DLGAP2: variants seen among roughly 807,000 people sequenced by gnomAD.
DLGAP2 encodes the protein disks large-associated protein 2.
DLGAP2 carries 26 observed loss-of-function variants against 100.3 expected under a neutral mutation model. The ratio of observed to expected loss-of-function variants is 0.26; its 90% CI spans 0.19 to 0.36. The LOEUF (loss-of-function observed/expected upper bound fraction) is 0.36, where lower values mean the gene tolerates loss of function less well. DLGAP2 is among the 10% of genes least tolerant of loss of function. DLGAP2 has a pLI of 1.00. For missense variants in DLGAP2, 1,858 were observed against 1,453.2 expected, an observed-to-expected ratio of 1.28 and a Z score of -4.53; for synonymous variants, 886 against 630.1, an observed-to-expected ratio of 1.41 and a Z score of -6.08.
intron 8 of DLGAP2, among the ~76,000 whole-genome samples, chr8:1,646,917 A>G (rs944603840): frequency 2.6e-5 from 4 of 152,178 alleles, no homozygotes; most frequent in African/African-American, 9.6e-5. Flanking sequence ...CACCACAGAG[A>G]AGTGATGGAA....
Position 1,330,077 on chromosome 8 carries a change from C to A in DLGAP2, c.106+71194C>A, listed in dbSNP as rs114982289. Among the ~76,000 whole-genome samples, 516 of 152,320 alleles carry A rather than the reference C, an allele frequency of 3.4e-3. 1 individual carries two copies. Among genetic ancestry groups the A allele is most frequent in the African/African-American group, 0.012 (494 of 41,584 alleles). On this transcript the variant is annotated intron_variant, in intron 3 of 14. Transcript: ENST00000637795. ...TCCCATGTTTGTGGTGGGTCACAGT[C>A]CCTCATGTGGGGTCGAGGTTTCTTT...
intron 2 of DLGAP2, among the ~76,000 whole-genome samples, chr8:1,179,192 A>T (rs1463246): frequency 6.6e-6 from 1 of 152,218 alleles, no homozygotes; most frequent in Admixed American, 6.5e-5. Context: ...AGTAAATGGC[A>T]AAGCCTGTTG....
At chr8:1,375,095 C>G (rs141422377) in intron 3 of DLGAP2, among the ~76,000 whole-genome samples, 1,644 of 147,758 alleles carry the variant, frequency 0.011, 64 homozygotes, top group African/African-American at 0.039. Context: ...GACCTCAGAA[C>G]TGAGCCCCCA....
At chr8:1,532,527 T>G (rs1801018308) in intron 4 of DLGAP2, among the ~76,000 whole-genome samples, 1 of 152,216 alleles carries the variant, frequency 6.6e-6, no homozygotes, top group Non-Finnish European at 1.5e-5. Context: ...GGAAACATTT[T>G]TATGGCTCTT....
intron 3 of DLGAP2, among the ~76,000 whole-genome samples, chr8:1,311,772 GA>G (rs1800619917): frequency 6.6e-6 from 1 of 151,940 alleles, no homozygotes; most frequent in Admixed American, 6.6e-5. Context: ...GGGCATTTAT[GA>G]AAAGCCACAG....
chr8:846,064 A>G (rs1352516917), intron 1 of DLGAP2, among the ~76,000 whole-genome samples: 2 of 152,382 alleles, frequency 1.3e-5, no homozygotes, highest in East Asian at 3.9e-4. Context: ...TAATACATGT[A>G]TAAATTGCAT....
intron 10 of DLGAP2, among the ~76,000 whole-genome samples, chr8:1,676,207 AG>A (rs1798807651): frequency 6.6e-6 from 1 of 152,176 alleles, no homozygotes; most frequent in Non-Finnish European, 1.5e-5. Context: ...GCGTGATAAG[AG>A]CTTTTAAGTC....
At chr8:1,595,645 G>A (rs1380406949) in intron 6 of DLGAP2, among the ~76,000 whole-genome samples, 27 of 140,076 alleles carry the variant, frequency 1.9e-4, no homozygotes, top group Admixed American at 3.7e-4. Context: ...CCGCAGTCCC[G>A]CCTGGGCGAC....
rs929180782 is a variant in DLGAP2 at position 804,039 on chromosome 8, T to A, written c.18+66214T>A. On this transcript the variant is annotated intron_variant, in intron 1 of 14. Coordinates refer to ENST00000637795, the MANE Select transcript of DLGAP2 (RefSeq NM_001346810.2). ...GGGTGTGGATTTTAGATTTATATGG[T>A]GGCGAGAGTGGTGTTGGTTCAGAAT... Among the ~76,000 whole-genome samples the A allele has an allele frequency of 7.9e-5, 12 of 152,098 alleles. 1 individual carries two copies. The highest frequency in any genetic ancestry group is 7.9e-4 in the Admixed American group (12 of 15,266).
intron 2 of DLGAP2, among the ~76,000 whole-genome samples, chr8:927,936 G>A (rs1019516554): frequency 6.6e-6 from 1 of 152,226 alleles, no homozygotes; most frequent in African/African-American, 2.4e-5. Context: ...GCAGTGCCAG[G>A]CCCATCAGAT....
At chr8:1,653,925 ATTG>A (rs1266073179) in intron 8 of DLGAP2, among the ~76,000 whole-genome samples, 2 of 152,104 alleles carry the variant, frequency 1.3e-5, no homozygotes, top group Non-Finnish European at 2.9e-5. Context: ...CCTTTGCTTT[ATTG>A]TTTTATTAAT....
intron 5 of DLGAP2, among the ~76,000 whole-genome samples, chr8:1,555,101 A>T (rs375988063): frequency 6.6e-6 from 1 of 151,982 alleles, no homozygotes; most frequent in Non-Finnish European, 1.5e-5. Flanking sequence ...AATGGATAGG[A>T]GAGTTGGGGT....
Position 1,238,100 on chromosome 8 carries a change from ATGGCGCCGTGTCTAGTTACG to A in DLGAP2, c.74-20749_74-20730del, listed in dbSNP as rs1798704123. Among the ~76,000 whole-genome samples the A allele has an allele frequency of 2.5e-4, 4 of 16,296 alleles. No individual in the cohort carries two copies. In the South Asian group the frequency reaches 7.5e-3, roughly 30 times the overall value. The allele number at this position is 16,296 out of a possible 152,430, so 10.7% of individuals were successfully genotyped here. On this transcript the variant is annotated intron_variant, in intron 2 of 14. Coordinates refer to ENST00000637795, the MANE Select transcript of DLGAP2 (RefSeq NM_001346810.2). The stretch of plus-strand genomic sequence containing the variant: ...ATGGCGCCGTGTCTAGTTCTCTCAC[ATGGCGCCGTGTCTAGTTACG>A]TCTTACACGGTGCTGTGTCTAGTTC...
Position 871,843 on chromosome 8 carries a change from A to G in DLGAP2, c.19-36069A>G, listed in dbSNP as rs189762853. Among the ~76,000 whole-genome samples the G allele has an allele frequency of 1.8e-4, 27 of 152,248 alleles. No homozygotes were observed. In the East Asian group the frequency reaches 4.6e-3, roughly 26 times the overall value. On this transcript the variant is annotated intron_variant, in intron 1 of 14. Transcript: ENST00000637795. ...GCGTCTCACAGAGAAAGGTGGGCCC[A>G]CCTACTTGTTGGCATGTATATTAAG...
At chr8:1,670,949 A>G (rs1414508405) in intron 10 of DLGAP2, among the ~76,000 whole-genome samples, 1 of 152,238 alleles carries the variant, frequency 6.6e-6, no homozygotes, top group Non-Finnish European at 1.5e-5. Context: ...CAGCCTTGCC[A>G]GGGCAGGAGG....
intron 5 of DLGAP2, among the ~76,000 whole-genome samples, chr8:1,557,812 A>G (rs959944359): frequency 2.0e-5 from 3 of 152,184 alleles, no homozygotes; most frequent in African/African-American, 7.2e-5. Flanking sequence ...GGAGGATACC[A>G]GGCAGACAGG....
intron 2 of DLGAP2, among the ~76,000 whole-genome samples, chr8:1,173,333 C>T (rs1023824739): frequency 2.0e-5 from 3 of 152,206 alleles, no homozygotes; most frequent in Admixed American, 6.5e-5. Context: ...GGTCAGGGGT[C>T]AGAGACCCAC....
At chr8:1,287,422 CGT>C (rs1165608144) in intron 3 of DLGAP2, among the ~76,000 whole-genome samples, 13 of 84,436 alleles carry the variant, frequency 1.5e-4, no homozygotes, top group East Asian at 3.9e-4. Context: ...TTTGGTTCAG[CGT>C]GTGTGTGTGT....
chr8:1,157,874 T>C (rs1452047660), intron 2 of DLGAP2, among the ~76,000 whole-genome samples: 2 of 152,230 alleles, frequency 1.3e-5, no homozygotes, highest in Non-Finnish European at 2.9e-5. Context: ...TCTCAGATGC[T>C]GCCGGTGTTC....
Sources: allele counts gnomAD v4.1 joint callset (sites outside exome capture counted in the v4.1 genomes callset), GRCh38; gene constraint gnomAD v4.1.1; transcripts MANE v1.5; gene names NCBI Gene and HGNC (gene_info 2026-07-23, HGNC 2026-07-21).